Variants in OTC observed in about 807,000 individuals in gnomAD.
The protein encoded by OTC is ornithine transcarbamylase, also known as ornithine transcarbamylase, mitochondrial.
In OTC, 3 loss-of-function variants were observed where a neutral mutation model predicts 30.3. That is an observed-to-expected ratio of 0.10 (90% CI 0.05 to 0.26). OTC has a LOEUF of 0.26. Ranked by LOEUF, OTC falls within the 10% of genes least tolerant of loss-of-function variation. The probability of loss-of-function intolerance (pLI) is 1.00; values close to 1 mark genes in which losing one functional copy is unlikely to be tolerated. For synonymous variants in OTC, 111 were observed against 99.7 expected (o/e 1.11, Z -0.67); for missense variants, 194 against 260.3 (o/e 0.75, Z 1.75).
chrX:38,408,742 G>T lies in OTC; in HGVS notation c.664G>T (p.Gly222Cys), dbSNP rs757459254. Reference protein sequence around the residue: ...GMHLQAATPKGYEPDASVTKL... With the variant: ...GMHLQAATPKCYEPDASVTKL... ...AAGATTTAAATTCTTCCTCCTTTAG[G>T]GTTATGAGCCGGATGCTAGTGTAAC... The change falls in exon 7 of 10, where the codon GGT (glycine) becomes TGT (cysteine). Residue 222 changes from glycine to cysteine, a missense_variant and splice_region_variant. Physicochemically the swap from Gly to Cys is radical, Grantham distance 159. Transcript: ENST00000039007. 2 of 1,187,560 alleles carry T rather than the reference G, an allele frequency of 1.7e-6. No homozygotes were observed. The highest frequency in any genetic ancestry group is 1.7e-5 in the African/African-American group (1 of 57,248).
At chrX:38,410,288 C>A (rs993328730) in intron 8 of OTC, among the ~76,000 whole-genome samples, 1 of 111,364 alleles carries the variant, frequency 9.0e-6, no homozygotes, top group Admixed American at 9.6e-5. Context: ...GAATAAGATC[C>A]TGAGGAGAGG....
intron 1 of OTC, among the ~76,000 whole-genome samples, chrX:38,363,089 G>T (rs1416022139): frequency 9.0e-6 from 1 of 111,582 alleles, no homozygotes. Context: ...TGGAGACTCA[G>T]CTTTTGTGGG....
At chrX:38,406,635 G>T (rs1392626964) in intron 6 of OTC, among the ~76,000 whole-genome samples, 1 of 111,919 alleles carries the variant, frequency 8.9e-6, no homozygotes, top group East Asian at 2.8e-4. Flanking sequence ...TGTACTTAGG[G>T]AGTATAAAAC....
In OTC at chrX:38,414,605, C is replaced by T. The variant is rs778328736; in HGVS notation, c.1005+2606C>T. On this transcript the variant is annotated intron_variant, in intron 9 of 9. Transcript: ENST00000039007. Reference sequence around the variant, plus strand: ...CCATCTTAGCGTCTAAGTATTAACTCTCTAGGTCCCAGTGTCCTCTCCCAT... The same window carrying T: ...CCATCTTAGCGTCTAAGTATTAACTTTCTAGGTCCCAGTGTCCTCTCCCAT... Among the ~76,000 whole-genome samples the T allele has an allele frequency of 9.8e-5, 11 of 111,906 alleles. No homozygotes were observed. The East Asian group carries it at 2.8e-3, about 28-fold the overall frequency.
At position 38,372,454 on chromosome X, in the gene OTC, A is replaced by G. The variant is rs372024979; in HGVS notation, c.298+2577A>G. Among the ~76,000 whole-genome samples, 15 of 112,705 alleles carry G rather than the reference A, an allele frequency of 1.3e-4. No individual in the cohort carries two copies. The East Asian group carries it at 3.3e-3, about 25-fold the overall frequency. On this transcript the variant is annotated intron_variant, in intron 3 of 9. Coordinates refer to ENST00000039007, the MANE Select transcript of OTC (RefSeq NM_000531.6). ...AAATCTATTGATTTAATTTAATTAT[A>G]TGGCATGTAATAGTCATGTTTTCTT...
chrX:38,340,008 C>T, the OTC span, among the ~76,000 whole-genome samples: 1 of 112,205 alleles, frequency 8.9e-6, no homozygotes, highest in South Asian at 3.7e-4. Context: ...ATTATACTCA[C>T]TTAATAAAGT....
chrX:38,408,695 T>C, intron 6 of OTC, 47 bp from the exon 7 acceptor site: 1 of 863,926 alleles, frequency 1.2e-6, no homozygotes. Context: ...TAAGAAAACA[T>C]GTATAATAAA....
At chrX:38,331,652 A>G in the OTC span, among the ~76,000 whole-genome samples, 1 of 103,184 alleles carries the variant, frequency 9.7e-6, no homozygotes, top group African/African-American at 3.6e-5. Flanking sequence ...GCGCAATCTC[A>G]GCTCACTGCA....
At chrX:38,360,288 T>C (rs1296706000) in intron 1 of OTC, among the ~76,000 whole-genome samples, 2 of 111,479 alleles carry the variant, frequency 1.8e-5, no homozygotes, top group African/African-American at 3.3e-5. Flanking sequence ...TTCATTTACT[T>C]AAGAAATATT....
At chrX:38,332,504 TTATATA>T in the OTC span, among the ~76,000 whole-genome samples, 102 of 39,353 alleles carry the variant, frequency 2.6e-3, 3 homozygotes, top group African/African-American at 5.8e-3. Context: ...GCCCTAGATT[TTATATA>T]TATATATATA....
intron 9 of OTC, among the ~76,000 whole-genome samples, chrX:38,419,275 T>G (rs1235554916): frequency 8.9e-6 from 1 of 112,202 alleles, no homozygotes; most frequent in African/African-American, 3.2e-5. Context: ...AGTGTGATGC[T>G]GCCAGCTTTC....
At chrX:38,407,042 A>G (rs768497178) in intron 6 of OTC, among the ~76,000 whole-genome samples, 2 of 112,769 alleles carry the variant, frequency 1.8e-5, no homozygotes, top group African/African-American at 3.2e-5. Flanking sequence ...GATGCTTATT[A>G]GCATGTGCCC....
In OTC at chrX:38,400,798, C is replaced by G. The variant is rs60250970; in HGVS notation, c.387-477C>G. Reference sequence around the variant, plus strand: ...GCAGCTAGAGTGTCAGCCAATGGCTCTCCTCACAGCAAGTTCTCTTCTGTA... The same window carrying G: ...GCAGCTAGAGTGTCAGCCAATGGCTGTCCTCACAGCAAGTTCTCTTCTGTA... On this transcript the variant is annotated intron_variant, in intron 4 of 9. Coordinates refer to ENST00000039007, the MANE Select transcript of OTC (RefSeq NM_000531.6). 2.7e-3 allele frequency among the ~76,000 whole-genome samples: 309 copies of G among 112,873 alleles called. 1 individual carries two copies. The highest frequency in any genetic ancestry group is 9.3e-3 in the African/African-American group (290 of 31,098).
At chrX:38,382,832 G>C (rs2068382690) in intron 4 of OTC, among the ~76,000 whole-genome samples, 1 of 112,066 alleles carries the variant, frequency 8.9e-6, no homozygotes, top group Admixed American at 9.5e-5. Context: ...GGTTGGAAGA[G>C]GGTTCAGTGG....
At chrX:38,415,323 C>A (rs1160120040) in intron 9 of OTC, among the ~76,000 whole-genome samples, 1 of 108,889 alleles carries the variant, frequency 9.2e-6, no homozygotes, top group Non-Finnish European at 1.9e-5. Context: ...AGGAGATCCA[C>A]CTGCCTCGGC....
At chrX:38,388,437 T>G (rs989776359) in intron 4 of OTC, among the ~76,000 whole-genome samples, 1 of 110,894 alleles carries the variant, frequency 9.0e-6, no homozygotes, top group Non-Finnish European at 1.9e-5. Flanking sequence ...GAACTGGATA[T>G]TCTTTTTTTT....
intron 3 of OTC, among the ~76,000 whole-genome samples, chrX:38,375,439 A>T (rs1245244277): frequency 8.9e-6 from 1 of 112,007 alleles, no homozygotes; most frequent in Non-Finnish European, 1.9e-5. Flanking sequence ...AGCAAGGTAG[A>T]AGTAGTGAAG....
the OTC span, among the ~76,000 whole-genome samples, chrX:38,331,160 G>T: frequency 2.7e-5 from 3 of 112,076 alleles, no homozygotes; most frequent in Non-Finnish European, 5.6e-5. Flanking sequence ...AATAATTTAA[G>T]CCAGGAGGAG....
In OTC at chrX:38,412,843, C is replaced by G. The variant is rs1569281494; in HGVS notation, c.1005+844C>G. 5.4e-5 allele frequency among the ~76,000 whole-genome samples: 6 copies of G among 111,935 alleles called. No homozygotes were observed. The South Asian group carries it at 2.2e-3, about 42-fold the overall frequency. On this transcript the variant is annotated intron_variant, in intron 9 of 9. Coordinates refer to ENST00000039007, the MANE Select transcript of OTC (RefSeq NM_000531.6). ...AAGTGCAGTGAATAATTCTTGGACA[C>G]CATATAGCCAGGGACAACACAGGCA...
Sources: gnomAD v4.1 joint callset for allele counts (sites outside exome capture counted in the v4.1 genomes callset) on GRCh38, gnomAD v4.1.1 for gene constraint, MANE v1.5 for transcripts, NCBI Gene and HGNC (gene_info 2026-07-23, HGNC 2026-07-21) for gene names.